Variants in LARGE1 observed in about 807,000 individuals in gnomAD.
LARGE1 encodes xylosyl- and glucuronyltransferase LARGE1.
A neutral mutation model predicts 87.6 loss-of-function variants in LARGE1; 43 were observed. The ratio of observed to expected loss-of-function variants is 0.49; its 90% confidence interval spans 0.38 to 0.63. The LOEUF is 0.63. Ranked by LOEUF, LARGE1 falls within the 30% of genes least tolerant of loss-of-function variation. The pLI is 0.00. For synonymous variants in LARGE1, 434 were observed against 394.6 expected (o/e 1.10, Z -1.18); for missense variants, 802 against 1,000.2 (o/e 0.80, Z 2.67).
intron 7 of LARGE1, among the ~76,000 whole-genome samples, chr22:33,401,857 G>A (rs1238786841): frequency 1.3e-5 from 2 of 152,100 alleles, no homozygotes; most frequent in South Asian, 2.1e-4. Context: ...ATTTTGTTAC[G>A]GCAGCCCTAG....
At chr22:33,799,529 C>A (rs113045928) in intron 1 of LARGE1, among the ~76,000 whole-genome samples, 1 of 152,110 alleles carries the variant, frequency 6.6e-6, no homozygotes, top group Non-Finnish European at 1.5e-5. Context: ...CAACCTCCCC[C>A]TCCTGGGTTC....
intron 6 of LARGE1, among the ~76,000 whole-genome samples, chr22:33,485,842 C>T (rs1012045811): frequency 6.6e-6 from 1 of 152,200 alleles, no homozygotes; most frequent in South Asian, 2.1e-4. Context: ...TGGCTCTTAT[C>T]ACCATCTGAC....
intron 2 of LARGE1, among the ~76,000 whole-genome samples, chr22:33,754,618 G>C (rs895501911): frequency 6.6e-6 from 1 of 152,172 alleles, no homozygotes; most frequent in Non-Finnish European, 1.5e-5. Context: ...TTACAGGCGT[G>C]AGCCACCGTG....
At chr22:33,731,216 G>A (rs550241316) in intron 2 of LARGE1, among the ~76,000 whole-genome samples, 4 of 151,268 alleles carry the variant, frequency 2.6e-5, no homozygotes, top group Non-Finnish European at 4.4e-5. Context: ...TGTTAGCCAC[G>A]ATGGTCTCGA....
chr22:33,089,308 TTC>T, the LARGE1 span, among the ~76,000 whole-genome samples: 3 of 118,928 alleles, frequency 2.5e-5, no homozygotes, highest in African/African-American at 8.3e-5. Context: ...CTTCCTCTTC[TTC>T]TTCTTTCTTC....
chr22:33,409,955 T>C lies in LARGE1; in HGVS notation c.892+22206A>G, dbSNP rs73166267. On this transcript the variant is annotated intron_variant, in intron 7 of 14. Transcript: ENST00000397394. ...AGGAGTTCAGTGATGGCTAGAAAAA[T>C]AGGGTATAGGTAATGAAGAGGGAAA... Among the ~76,000 whole-genome samples the C allele has an allele frequency of 4.5e-3, 655 of 144,064 alleles. 1 individual carries two copies. The highest frequency in any genetic ancestry group is 7.6e-3 in the Non-Finnish European group (499 of 65,914). The allele number at this position is 144,064 out of a possible 152,430, so 94.5% of individuals were successfully genotyped here. A position where few individuals can be genotyped will look rare whatever the true frequency, so the allele number is the denominator to read the frequency against.
chr22:33,170,016 G>A (rs1922478330), intron 11 of LARGE1, among the ~76,000 whole-genome samples: 1 of 152,076 alleles, frequency 6.6e-6, no homozygotes, highest in Non-Finnish European at 1.5e-5. Flanking sequence ...TGAAACCTAA[G>A]CTCCAACATG....
chr22:33,664,942 C>A (rs747197816), intron 2 of LARGE1, among the ~76,000 whole-genome samples: 22 of 152,170 alleles, frequency 1.4e-4, no homozygotes, highest in Non-Finnish European at 2.8e-4. Context: ...GGGCTTTGAA[C>A]CTGCCTTCCC....
At chr22:33,702,963 A>T (rs546278626) in intron 2 of LARGE1, among the ~76,000 whole-genome samples, 1 of 152,290 alleles carries the variant, frequency 6.6e-6, no homozygotes, top group South Asian at 2.1e-4. Context: ...ACCCTGGCAA[A>T]GAAGGCAGGA....
the LARGE1 span, among the ~76,000 whole-genome samples, chr22:33,118,065 G>T: frequency 1.3e-5 from 2 of 152,178 alleles, no homozygotes; most frequent in African/African-American, 4.8e-5. Flanking sequence ...CAGAGAGAAA[G>T]GATAAATGGA....
intron 11 of LARGE1, among the ~76,000 whole-genome samples, chr22:33,197,917 CAT>C (rs137435): frequency 0.6 from 90,580 of 151,762 alleles, 27,623 homozygotes; most frequent in African/African-American, 0.69. Flanking sequence ...TATAAACAGA[CAT>C]ATGGATCAAT....
intron 10 of LARGE1, among the ~76,000 whole-genome samples, chr22:33,318,191 T>C (rs1374946226): frequency 1.4e-5 from 2 of 143,714 alleles, no homozygotes; most frequent in Non-Finnish European, 3.0e-5. Context: ...GCCAAGATCA[T>C]GACACTGCAT....
intron 9 of LARGE1, among the ~76,000 whole-genome samples, chr22:33,339,600 C>T (rs1938918406): frequency 6.6e-6 from 1 of 151,954 alleles, no homozygotes; most frequent in Non-Finnish European, 1.5e-5. Flanking sequence ...CTGTAACTTC[C>T]AGCCGAGACA....
intron 14 of LARGE1, among the ~76,000 whole-genome samples, chr22:33,276,614 G>A (rs952986656): frequency 1.3e-5 from 2 of 152,172 alleles, no homozygotes; most frequent in Non-Finnish European, 2.9e-5. Flanking sequence ...TCTCAAAGTC[G>A]CCACTCTTTT....
intron 7 of LARGE1, among the ~76,000 whole-genome samples, chr22:33,424,992 G>A (rs571496196): frequency 5.3e-5 from 8 of 152,076 alleles, no homozygotes; most frequent in East Asian, 1.9e-4. Context: ...GGCTGGGCGC[G>A]GCAGCTCACG....
At chr22:33,445,804 C>T (rs1382245694) in intron 6 of LARGE1, among the ~76,000 whole-genome samples, 1 of 152,098 alleles carries the variant, frequency 6.6e-6, no homozygotes, top group Admixed American at 6.6e-5. Flanking sequence ...CGCCTGCCAC[C>T]ATGCTCGGCT....
chr22:33,463,893 C>G lies in LARGE1; in HGVS notation c.788-31628G>C, dbSNP rs9621701. ...TTCACCATGTTGGCCAGGCTGGTCTCGAACTCCTGACCTCAGGTGATCTGC... is the reference window on the plus strand; with the variant it reads ...TTCACCATGTTGGCCAGGCTGGTCTGGAACTCCTGACCTCAGGTGATCTGC... On this transcript the variant is annotated intron_variant, in intron 6 of 14. Transcript: ENST00000397394. Among the ~76,000 whole-genome samples the G allele has an allele frequency of 1.8e-4, 28 of 152,196 alleles. 1 individual carries two copies. The highest frequency in any genetic ancestry group is 3.2e-4 in the Non-Finnish European group (22 of 68,008).
chr22:33,203,521 G>T (rs946881027), intron 11 of LARGE1, among the ~76,000 whole-genome samples: 6 of 152,114 alleles, frequency 3.9e-5, no homozygotes, highest in Non-Finnish European at 8.8e-5. Context: ...AATATGTGTT[G>T]GTTATGGTGT....
chr22:33,391,765 CTTTTTTT>C (rs1034572374), intron 7 of LARGE1, among the ~76,000 whole-genome samples: 25 of 63,854 alleles, frequency 3.9e-4, no homozygotes, highest in South Asian at 1.9e-3. Context: ...TTCCTTTTTC[CTTTTTTT>C]TTTTTTTTTT....
Sources: allele counts gnomAD v4.1 joint callset (sites outside exome capture counted in the v4.1 genomes callset), GRCh38; gene constraint gnomAD v4.1.1; transcripts MANE v1.5; gene names NCBI Gene and HGNC (gene_info 2026-07-23, HGNC 2026-07-21).